Variants in SLC22A11 observed in about 807,000 individuals in gnomAD.
The protein encoded by SLC22A11 is organic anion transporter 4.
In SLC22A11, 42 loss-of-function variants were observed where a neutral mutation model predicts 49.4. The observed-to-expected ratio is 0.85, with a 90% CI of 0.66 to 1.10. SLC22A11 has a LOEUF of 1.10. Among genes scored for constraint, SLC22A11 ranks in the 50% least tolerant of loss-of-function variants. The pLI is 0.00. For synonymous variants in SLC22A11, 304 were observed against 315.8 expected, an observed-to-expected ratio of 0.96 and a Z score of 0.40; for missense variants, 685 against 731.6, an observed-to-expected ratio of 0.94 and a Z score of 0.74.
In SLC22A11 at chr11:64,562,509, C is replaced by G; in HGVS notation, c.821+74C>G. The G allele has an allele frequency of 1.4e-6, 2 of 1,446,116 alleles. No homozygotes were observed. The highest frequency in any genetic ancestry group is 1.4e-5 in the South Asian group (1 of 70,052). The allele number at this position is 1,446,116 out of a possible 1,614,324, so 89.6% of individuals were successfully genotyped here. On this transcript the variant is annotated intron_variant, in intron 4 of 9. Transcript: ENST00000301891. This position sits in a 1 kb window ranked among gnomAD's most constrained non-coding sequence, Gnocchi z 4.4. ...GGACTCTTCACTTTCACCTCTCTGGCTGGCAGTAGGTCCAGAGACCTGGAG... is the reference window on the plus strand; with the variant it reads ...GGACTCTTCACTTTCACCTCTCTGGGTGGCAGTAGGTCCAGAGACCTGGAG...
At chr11:64,567,521 C>T in intron 6 of SLC22A11, 78 bp from the exon 7 acceptor site, 5 of 1,390,908 alleles carry the variant, frequency 3.6e-6, no homozygotes, top group Non-Finnish European at 5.0e-6. Context: ...CCAGGCAGCT[C>T]CTGGTGGGAG....
chr11:64,563,961 A>G (rs1488414262), intron 4 of SLC22A11, among the ~76,000 whole-genome samples: 1 of 151,864 alleles, frequency 6.6e-6, no homozygotes, highest in Non-Finnish European at 1.5e-5. Flanking sequence ...TTTCTATCCT[A>G]GAAATAGCCC....
chr11:64,556,369 T>C lies in SLC22A11; in HGVS notation c.370T>C (p.Phe124Leu). 1 of 1,611,910 alleles carries C rather than the reference T, an allele frequency of 6.2e-7. No individual in the cohort carries two copies. The change falls in exon 1 of 10, where the codon TTC (phenylalanine) becomes CTC (leucine). Residue 124 changes from phenylalanine to leucine, a missense_variant. Physicochemically the swap from Phe to Leu is conservative, Grantham distance 22. Coordinates refer to ENST00000301891, the MANE Select transcript of SLC22A11 (RefSeq NM_018484.4). The stretch of plus-strand genomic sequence containing the variant: ...CGGCTGGGTCTATGACCGCAGCGTC[T>C]TCACCTCCACCATCGTGGCCAAGGT... The part of the protein sequence containing the change: ...VDGWVYDRSV[F>L]TSTIVAKWDL...
chr11:64,567,108 G>A (rs2038635402), intron 6 of SLC22A11, among the ~76,000 whole-genome samples: 1 of 152,130 alleles, frequency 6.6e-6, no homozygotes, highest in Admixed American at 6.5e-5. Context: ...CCAGAGAAGG[G>A]GCAGCACTCC....
At chr11:64,563,610 T>TAAAAAAAA (rs869085115) in intron 4 of SLC22A11, among the ~76,000 whole-genome samples, 4,315 of 43,836 alleles carry the variant, frequency 0.098, 1,006 homozygotes, top group Non-Finnish European at 0.12. Flanking sequence ...TTAAATGTGC[T>TAAAAAAAA]AAAAAAAAAA....
rs75910769 is a variant in SLC22A11, at chr11:64,564,902, T to C, written c.943-320T>C. Among the ~76,000 whole-genome samples, 3,517 of 152,288 alleles carry C rather than the reference T, an allele frequency of 0.023. 142 individuals carry two copies. Among genetic ancestry groups the C allele is most frequent in the African/African-American group, 0.079 (3,283 of 41,548 alleles). ...GTCTGGGGAAACAGAATGTGTTTAT[T>C]TGAAGGTAGCTGCTTTCAGGAAACA... On this transcript the variant is annotated intron_variant, in intron 5 of 9. Coordinates refer to ENST00000301891, the MANE Select transcript of SLC22A11 (RefSeq NM_018484.4). This position sits in a 1 kb window ranked among gnomAD's most constrained non-coding sequence, Gnocchi z 4.2.
rs2038715175 is a variant in SLC22A11, at chr11:64,572,334, A to T, written c.*1292A>T. 1 of 152,244 alleles carries T rather than the reference A, an allele frequency of 6.6e-6. No homozygotes were observed. The highest frequency in any genetic ancestry group is 2.1e-4 in the South Asian group (1 of 4,824). 9.4% of individuals were successfully genotyped at this position (152,244 alleles called of 1,614,324 possible). A position where few individuals can be genotyped will look rare whatever the true frequency, so the allele number is the denominator to read the frequency against. On this transcript the variant is annotated 3_prime_UTR_variant, in exon 10 of 10. Coordinates refer to ENST00000301891, the MANE Select transcript of SLC22A11 (RefSeq NM_018484.4). ...GGTGGAGGGGCCAGCTTGCAGAAAC[A>T]CGGCCGAACCCGGCCCTGATCCTAG...
intron 9 of SLC22A11, among the ~76,000 whole-genome samples, chr11:64,570,397 G>A (rs577288935): frequency 2.8e-4 from 42 of 152,308 alleles, no homozygotes; most frequent in African/African-American, 1.0e-3. Context: ...CACTTCTGTG[G>A]GCTTTAGCCT....
At position 64,562,294 on chromosome 11, in the gene SLC22A11, G is replaced by A. The variant is rs752696988; in HGVS notation, c.680G>A (p.Arg227Lys). The change falls in exon 4 of 10, where the codon AGG (arginine) becomes AAG (lysine). Residue 227 changes from arginine (R) to lysine (K), a missense_variant. By Grantham distance (26) the Arg-to-Lys change is conservative (BLOSUM62 2). Transcript: ENST00000301891. This position sits in a 1 kb window ranked among gnomAD's most constrained non-coding sequence, Gnocchi z 4.4. ...GTGGAGTGGACCACGACCAGCAGGA[G>A]GGCGGTCACCATGACGGTGGTGGGA... ...LMVEWTTTSR[R>K]AVTMTVVGCA... The A allele has an allele frequency of 6.2e-7, 1 of 1,608,550 alleles. No homozygotes were observed. The highest frequency in any genetic ancestry group is 8.5e-7 in the Non-Finnish European group (1 of 1,176,648).
At chr11:64,558,597 C>T (rs1246115946) in intron 1 of SLC22A11, among the ~76,000 whole-genome samples, 3 of 152,192 alleles carry the variant, frequency 2.0e-5, no homozygotes, top group East Asian at 1.9e-4. Context: ...TCCGTGACTC[C>T]GTCTCTAGAG....
intron 1 of SLC22A11, 107 bp from the exon 2 acceptor site, chr11:64,559,028 G>C: frequency 1.1e-6 from 1 of 905,938 alleles, no homozygotes; most frequent in South Asian, 1.3e-5. Context: ...TCTGTGACCT[G>C]GCACTGGGAG....
intron 1 of SLC22A11, among the ~76,000 whole-genome samples, chr11:64,557,680 GGA>G (rs1370835216): frequency 7.1e-6 from 1 of 140,896 alleles, no homozygotes; most frequent in Non-Finnish European, 1.5e-5. Context: ...CACCCAGGCT[GGA>G]GCACAGTGGC....
Position 64,562,284 on chromosome 11 carries a change from A to G in SLC22A11, c.670A>G (p.Thr224Ala), listed in dbSNP as rs1402806672. The change falls in exon 4 of 10, where the codon ACC becomes GCC. Residue 224 changes from threonine to alanine, a missense_variant. By Grantham distance (58) the Thr-to-Ala change is moderately conservative. Coordinates refer to ENST00000301891, the MANE Select transcript of SLC22A11 (RefSeq NM_018484.4). The surrounding 1 kb of genome is among the most constrained non-coding windows in gnomAD (Gnocchi z 4.4). ...TCCTTCAGTGGTGGAGTGGACCACG[A>G]CCAGCAGGAGGGCGGTCACCATGAC... ...SLTLMVEWTT[T>A]SRRAVTMTVV... 1 of 1,606,100 alleles carries G rather than the reference A, an allele frequency of 6.2e-7. No homozygotes were observed. The highest frequency in any genetic ancestry group is 1.3e-5 in the African/African-American group (1 of 74,734).
At chr11:64,561,613 T>A (rs1161710354) in intron 2 of SLC22A11, among the ~76,000 whole-genome samples, 1 of 118,724 alleles carries the variant, frequency 8.4e-6, no homozygotes, top group Non-Finnish European at 1.7e-5. Flanking sequence ...ATTTATTTAT[T>A]TATTTATTTA....
At position 64,562,088 on chromosome 11, in the gene SLC22A11, C is replaced by T; in HGVS notation, c.582C>T (p.Val194=). The change falls in exon 3 of 10, where the codon GTC becomes GTT. Residue 194 remains valine, a synonymous_variant. Transcript: ENST00000301891. The surrounding 1 kb of genome is among the most constrained non-coding windows in gnomAD (Gnocchi z 4.4). ...GCACCATCTTCGCCCCAACATTCGTCATCTACTGCGGCCTGCGGTTCGTGG... is the reference window on the plus strand; with the variant it reads ...GCACCATCTTCGCCCCAACATTCGTTATCTACTGCGGCCTGCGGTTCGTGG... ...GTSTIFAPTF[V]IYCGLRFVAA... is the part of the protein sequence containing the mutation. 1 of 1,613,918 alleles carries T rather than the reference C, an allele frequency of 6.2e-7. No homozygotes were observed. The highest frequency in any genetic ancestry group is 8.5e-7 in the Non-Finnish European group (1 of 1,180,032).
At chr11:64,557,265 C>T (rs1270306532) in intron 1 of SLC22A11, among the ~76,000 whole-genome samples, 1 of 152,202 alleles carries the variant, frequency 6.6e-6, no homozygotes, top group Non-Finnish European at 1.5e-5. Context: ...AGGGGCTGTC[C>T]CAGCGCACAC....
Position 64,562,459 on chromosome 11 carries a change from C to T in SLC22A11, c.821+24C>T. ...TGGTCAGTATGATGTGGGACCTTTT[C>T]CTTAGGAGACCCAGGGTGGGAGGGG... is the stretch of plus-strand genomic sequence containing the variant. On this transcript the variant is annotated intron_variant, in intron 4 of 9. Coordinates refer to ENST00000301891, the MANE Select transcript of SLC22A11 (RefSeq NM_018484.4). The surrounding 1 kb of genome is among the most constrained non-coding windows in gnomAD (Gnocchi z 4.4). 6.6e-7 allele frequency: 1 copy of T among 1,517,936 alleles called. No homozygotes were observed. The highest frequency in any genetic ancestry group is 8.8e-7 in the Non-Finnish European group (1 of 1,134,594). The allele number at this position is 1,517,936 out of a possible 1,614,324, so 94.0% of individuals were successfully genotyped here. A position where few individuals can be genotyped will look rare whatever the true frequency, so the allele number is the denominator to read the frequency against.
chr11:64,560,066 C>T (rs560531263), intron 2 of SLC22A11, among the ~76,000 whole-genome samples: 127 of 150,684 alleles, frequency 8.4e-4, no homozygotes, highest in East Asian at 9.8e-4. Context: ...TTCCTTGCCA[C>T]GCCCCCTCAC....
intron 1 of SLC22A11, 96 bp downstream of exon 1, chr11:64,556,488 A>G: frequency 1.3e-6 from 2 of 1,506,706 alleles, no homozygotes; most frequent in Non-Finnish European, 1.8e-6. Flanking sequence ...CCTGGGAGGG[A>G]CCCGCCTCCT....
Sources: gnomAD v4.1 joint callset for allele counts (sites outside exome capture counted in the v4.1 genomes callset) on GRCh38, gnomAD v4.1.1 for gene constraint, Gnocchi (gnomAD v3.1) non-coding constraint, MANE v1.5 for transcripts, NCBI Gene and HGNC (gene_info 2026-07-23, HGNC 2026-07-21) for gene names.